Variants in SIGLEC15 observed in about 807,000 individuals in gnomAD.
SIGLEC15 encodes the protein sialic acid binding Ig like lectin 15.
In SIGLEC15, 31 loss-of-function variants were observed where a neutral mutation model predicts 26.2. That is an observed-to-expected ratio of 1.18 (90% CI 0.89 to 1.60). SIGLEC15 has a LOEUF of 1.60. SIGLEC15 is among the 40% of genes most tolerant of loss of function. The probability of loss-of-function intolerance (pLI) is 0.00; values close to 1 mark genes in which losing one functional copy is unlikely to be tolerated. For synonymous variants in SIGLEC15, 207 were observed against 221.9 expected (o/e 0.93, Z 0.60); for missense variants, 501 against 488.4 (o/e 1.03, Z -0.24).
At chr18:45,840,300 A>AG in intron 5 of SIGLEC15, 59 bp downstream of exon 5, 1 of 1,548,074 alleles carries the variant, frequency 6.5e-7, no homozygotes, top group Non-Finnish European at 8.8e-7. Flanking sequence ...CTCATCACCC[A>AG]GGGGGTCCAG....
chr18:45,840,351 C>T (rs2048315209), intron 5 of SIGLEC15, 110 bp downstream of exon 5: 1 of 1,245,718 alleles, frequency 8.0e-7, no homozygotes, highest in South Asian at 1.5e-5. Context: ...GGGCTGGGGT[C>T]CTACTTTGAC....
In SIGLEC15 at chr18:45,837,949, C is replaced by T. The variant is rs185883782; in HGVS notation, c.496+53C>T. On this transcript the variant is annotated intron_variant, in intron 3 of 5. Coordinates refer to ENST00000389474, the MANE Select transcript of SIGLEC15 (RefSeq NM_213602.3). ...GCCTCCCTTCCCGCCCTCCCGCCTG[C>T]CCCGCCCCAAGGGCTACGTGGGTGC... 341 of 1,428,284 alleles carry T rather than the reference C, an allele frequency of 2.4e-4. 2 individuals carry two copies. The African/African-American group carries it at 4.8e-3, about 20-fold the overall frequency. 88.5% of individuals were successfully genotyped at this position (1,428,284 alleles called of 1,614,324 possible). A position where few individuals can be genotyped will look rare whatever the true frequency, so the allele number is the denominator to read the frequency against.
intron 1 of SIGLEC15, chr18:45,829,164 C>T: frequency 2.0e-6 from 2 of 985,428 alleles, no homozygotes; most frequent in Non-Finnish European, 2.4e-6. Flanking sequence ...GCCTGTGGCC[C>T]TGCCTCTCCA....
intron 1 of SIGLEC15, among the ~76,000 whole-genome samples, chr18:45,835,584 C>T (rs1427746024): frequency 6.6e-6 from 1 of 152,240 alleles, no homozygotes; most frequent in Non-Finnish European, 1.5e-5. Context: ...CACTCTCCCA[C>T]TCCAAGGGTG....
chr18:45,832,311 C>T (rs1467478270), intron 1 of SIGLEC15, among the ~76,000 whole-genome samples: 1 of 151,570 alleles, frequency 6.6e-6, no homozygotes, highest in Non-Finnish European at 1.5e-5. Flanking sequence ...CTAGGACGTG[C>T]CAGGCACAGA....
rs1236136512 is a variant in SIGLEC15, at chr18:45,837,819, A to G, written c.419A>G (p.Tyr140Cys). 7 of 1,533,414 alleles carry G rather than the reference A, an allele frequency of 4.6e-6. No homozygotes were observed. The highest frequency in any genetic ancestry group is 1.9e-5 in the Admixed American group (1 of 52,594). 95.0% of individuals were successfully genotyped at this position (1,533,414 alleles called of 1,614,324 possible). The change falls in exon 3 of 6, where the codon TAC (tyrosine) becomes TGC (cysteine). Residue 140 changes from tyrosine to cysteine, a missense_variant. By Grantham distance (194) the Tyr-to-Cys change is radical. Transcript: ENST00000389474. ...ERLALADDRRYFCRVEFAGDV... is the reference protein window; with the variant it reads ...ERLALADDRRCFCRVEFAGDV... ...CTCGCCCTGGCTGACGACCGCCGCT[A>G]CTTCTGCCGCGTCGAGTTCGCCGGC...
At chr18:45,836,252 TTTAA>T (rs1173189951) in intron 1 of SIGLEC15, among the ~76,000 whole-genome samples, 1 of 152,168 alleles carries the variant, frequency 6.6e-6, no homozygotes, top group African/African-American at 2.4e-5. Context: ...TTTTCTCACC[TTTAA>T]TAATATCTGC....
At chr18:45,833,781 T>C (rs952622060) in intron 1 of SIGLEC15, among the ~76,000 whole-genome samples, 5 of 152,300 alleles carry the variant, frequency 3.3e-5, no homozygotes, top group Middle Eastern at 3.4e-3. Context: ...GACCAAGGTA[T>C]AGATATATAG....
intron 5 of SIGLEC15, chr18:45,840,981 A>C (rs959582987): frequency 1.3e-5 from 2 of 152,292 alleles, no homozygotes; most frequent in African/African-American, 4.8e-5. Context: ...TTTAACAAAT[A>C]CTTATTGAGT....
intron 5 of SIGLEC15, 129 bp downstream of exon 5, chr18:45,840,370 G>GCAAGGAAGGCCCAGCCCCT: frequency 1.8e-6 from 2 of 1,081,524 alleles, no homozygotes; most frequent in Non-Finnish European, 2.6e-6. Flanking sequence ...ACCAGGGGCT[G>GCAAGGAAGGCCCAGCCCCT]GGCCTTCCTT....
chr18:45,838,134 C>T (rs1336042140), intron 3 of SIGLEC15, among the ~76,000 whole-genome samples: 1 of 152,204 alleles, frequency 6.6e-6, no homozygotes, highest in East Asian at 1.9e-4. Context: ...ATAGGCATTG[C>T]CGTGACTCTC....
chr18:45,830,783 A>G (rs1396894066), intron 1 of SIGLEC15, among the ~76,000 whole-genome samples: 1 of 120,584 alleles, frequency 8.3e-6, no homozygotes, highest in Non-Finnish European at 1.7e-5. Flanking sequence ...TATTTTTAGT[A>G]GAGACGGGGT....
In SIGLEC15 at chr18:45,838,870, G is replaced by T. The variant is rs180893016; in HGVS notation, c.649G>T (p.Gly217Cys). The T allele has an allele frequency of 1.3e-6, 2 of 1,587,336 alleles. No individual in the cohort carries two copies. Among genetic ancestry groups the T allele is most frequent in the Non-Finnish European group, 8.5e-7 (1 of 1,171,584 alleles). Residue 217 changes from glycine to cysteine, a missense_variant, in exon 4 of 6, where the codon GGT becomes TGT. By Grantham distance (159) the Gly-to-Cys change is radical. Transcript: ENST00000389474. ...SLAAVRSPRE[G>C]HGHLVTAELP... Reference sequence around the variant, plus strand: ...GGCAGCCGTGCGGAGCCCGCGTGAGGGTCACGGCCACCTAGTGACCGCCGA... The same window carrying T: ...GGCAGCCGTGCGGAGCCCGCGTGAGTGTCACGGCCACCTAGTGACCGCCGA...
chr18:45,827,101 A>C (rs2048191109), intron 1 of SIGLEC15, among the ~76,000 whole-genome samples: 1 of 152,148 alleles, frequency 6.6e-6, no homozygotes, highest in Non-Finnish European at 1.5e-5. Flanking sequence ...TTTTTAGTAG[A>C]GACAGAATTT....
rs61267857 is a variant in SIGLEC15, at chr18:45,842,442, T to TGA, written c.*273_*274dup. ...ATACGTCTGTGTGTGTGTGTGTGTG[T>TGA]GAGAGAGAGAGAGAGAGAGTACACG... On this transcript the variant is annotated 3_prime_UTR_variant, in exon 6 of 6. Transcript: ENST00000389474. The TGA allele has an allele frequency of 4.2e-3, 1,461 of 343,968 alleles. 14 individuals carry two copies. The highest frequency in any genetic ancestry group is 0.021 in the African/African-American group (988 of 46,936). The allele number at this position is 343,968 out of a possible 1,614,324, so 21.3% of individuals were successfully genotyped here.
intron 1 of SIGLEC15, among the ~76,000 whole-genome samples, chr18:45,835,926 T>A (rs909724659): frequency 6.6e-6 from 1 of 152,160 alleles, no homozygotes; most frequent in Non-Finnish European, 1.5e-5. Flanking sequence ...GAAGGCTCAA[T>A]GGGTCCAGGA....
intron 1 of SIGLEC15, among the ~76,000 whole-genome samples, chr18:45,828,034 C>A (rs2048200089): frequency 6.6e-6 from 1 of 152,196 alleles, no homozygotes; most frequent in Non-Finnish European, 1.5e-5. Flanking sequence ...GTGGTCCAGG[C>A]CCCCACTTCC....
intron 5 of SIGLEC15, among the ~76,000 whole-genome samples, chr18:45,840,558 C>G (rs2145080281): frequency 6.6e-6 from 1 of 152,302 alleles, no homozygotes; most frequent in African/African-American, 2.4e-5. Context: ...CATCCCCGTT[C>G]CCCCCTGGCA....
Position 45,838,817 on chromosome 18 carries a change from G to T in SIGLEC15, c.596G>T (p.Trp199Leu). The change falls in exon 4 of 6, where the codon TGG becomes TTG. Residue 199 changes from tryptophan (W) to leucine (L), a missense_variant. Physicochemically the swap from Trp to Leu is moderately conservative, Grantham distance 61. Coordinates refer to ENST00000389474, the MANE Select transcript of SIGLEC15 (RefSeq NM_213602.3). ...GGGGAGCCGCCGCCCGCCCTCGCCT[G>T]GTCCGGCCCGGCCCTGGGCAACAGC... ...AEGEPPPALA[W>L]SGPALGNSLA... is the part of the protein sequence containing the mutation. 1 of 1,560,094 alleles carries T rather than the reference G, an allele frequency of 6.4e-7. No homozygotes were observed. The highest frequency in any genetic ancestry group is 8.6e-7 in the Non-Finnish European group (1 of 1,159,388).
Sources: gnomAD v4.1 joint callset for allele counts (sites outside exome capture counted in the v4.1 genomes callset) on GRCh38, gnomAD v4.1.1 for gene constraint, MANE v1.5 for transcripts, NCBI Gene and HGNC (gene_info 2026-07-23, HGNC 2026-07-21) for gene names.